The following HIF1A variants were observed in gnomAD, a reference collection of about 807,000 sequenced individuals.
HIF1A encodes the protein hypoxia inducible factor 1 subunit alpha.
HIF1A carries 24 observed loss-of-function variants against 92.7 expected under a neutral mutation model. That is an observed-to-expected ratio of 0.26 (90% CI 0.19 to 0.36). The LOEUF (loss-of-function observed/expected upper bound fraction) is 0.36, where lower values mean the gene tolerates loss of function less well. HIF1A is among the 10% of genes least tolerant of loss of function. HIF1A has a pLI of 1.00. For missense variants in HIF1A, 799 were observed against 998.5 expected, an observed-to-expected ratio of 0.80 and a Z score of 2.69; for synonymous variants, 319 against 338.7, an observed-to-expected ratio of 0.94 and a Z score of 0.64.
intron 1 of HIF1A, among the ~76,000 whole-genome samples, chr14:61,708,219 G>A (rs1216398149): frequency 1.3e-5 from 2 of 152,134 alleles, no homozygotes; most frequent in Non-Finnish European, 2.9e-5. Context: ...TGTCAGATGA[G>A]TAGATTGCAA....
chr14:61,719,913 A>G (rs17256373), intron 1 of HIF1A, among the ~76,000 whole-genome samples: 4,640 of 152,270 alleles, frequency 0.03, 96 homozygotes, highest in Middle Eastern at 0.068. Flanking sequence ...ACAAGTAGAA[A>G]TCAGTTTGTA....
At position 61,738,387 on chromosome 14, in the gene HIF1A, T is replaced by C. The variant is rs200340993; in HGVS notation, c.1536+14T>C. The C allele has an allele frequency of 7.2e-5, 112 of 1,563,978 alleles. No homozygotes were observed. The highest frequency in any genetic ancestry group is 9.2e-5 in the Non-Finnish European group (106 of 1,155,710). ...AGTTCACCTGAGGTAGGTGTCATGATATAATCAGAAAGGGACAACTTTCAG... is the reference window on the plus strand; with the variant it reads ...AGTTCACCTGAGGTAGGTGTCATGACATAATCAGAAAGGGACAACTTTCAG... On this transcript the variant is annotated intron_variant, in intron 10 of 14. Transcript: ENST00000337138.
chr14:61,732,606 C>G (rs1395826447), intron 7 of HIF1A, 82 bp downstream of exon 7: 1 of 825,212 alleles, frequency 1.2e-6, no homozygotes, highest in African/African-American at 1.7e-5. Flanking sequence ...CCATCTAATT[C>G]TCTGGTTAAA....
At chr14:61,698,652 G>A (rs1223050817) in intron 1 of HIF1A, among the ~76,000 whole-genome samples, 3 of 152,160 alleles carry the variant, frequency 2.0e-5, no homozygotes, top group East Asian at 3.8e-4. Flanking sequence ...TCCTGAAAGT[G>A]AAAAGACTAA....
Position 61,695,689 on chromosome 14 carries a change from C to A in HIF1A, c.-116C>A. The A allele has an allele frequency of 8.8e-7, 1 of 1,133,632 alleles. No homozygotes were observed. 70.2% of individuals were successfully genotyped at this position (1,133,632 alleles called of 1,614,324 possible). ...TCACGAGGGGTTTCCCGCCTCGCAC[C>A]CCCACCTCTGGACTTGCCTTTCCTT... On this transcript the variant is annotated 5_prime_UTR_variant, in exon 1 of 15. Transcript: ENST00000337138.
chr14:61,720,951 C>T (rs1416996132), intron 2 of HIF1A, among the ~76,000 whole-genome samples: 1 of 152,076 alleles, frequency 6.6e-6, no homozygotes, highest in African/African-American at 2.4e-5. Flanking sequence ...CTTTAAAAAA[C>T]ATGACTCAGG....
intron 1 of HIF1A, among the ~76,000 whole-genome samples, chr14:61,708,431 T>C (rs886255977): frequency 1.3e-5 from 2 of 152,194 alleles, no homozygotes; most frequent in Admixed American, 6.5e-5. Flanking sequence ...GTTTTTATGG[T>C]TTTAGGTCTA....
intron 1 of HIF1A, among the ~76,000 whole-genome samples, chr14:61,697,056 T>C (rs192744976): frequency 7.9e-5 from 12 of 152,320 alleles, no homozygotes; most frequent in Admixed American, 7.8e-4. Context: ...GTAAGAGTTT[T>C]GGTTAGTAGA....
intron 4 of HIF1A, among the ~76,000 whole-genome samples, chr14:61,724,611 C>G (rs2140140614): frequency 6.6e-6 from 1 of 152,124 alleles, no homozygotes; most frequent in South Asian, 2.1e-4. Flanking sequence ...GTTAACCATG[C>G]CTACATTTAA....
At chr14:61,710,707 C>T (rs2044296052) in intron 1 of HIF1A, among the ~76,000 whole-genome samples, 3 of 151,964 alleles carry the variant, frequency 2.0e-5, no homozygotes, top group Non-Finnish European at 4.4e-5. Context: ...ACAACAGATC[C>T]TATTAATAAT....
chr14:61,712,265 C>T (rs1045018288), intron 1 of HIF1A, among the ~76,000 whole-genome samples: 2 of 151,858 alleles, frequency 1.3e-5, no homozygotes, highest in Non-Finnish European at 2.9e-5. Flanking sequence ...TGCAAAGGCT[C>T]TAGGAGGCAA....
At chr14:61,738,951 A>G (rs1025891703) in intron 10 of HIF1A, among the ~76,000 whole-genome samples, 2 of 151,760 alleles carry the variant, frequency 1.3e-5, no homozygotes, top group Non-Finnish European at 2.9e-5. Context: ...GGTTCTCACT[A>G]TGTTGCTCAG....
intron 14 of HIF1A, 90 bp from the exon 15 acceptor site, chr14:61,746,841 TTTA>T (rs2044798873): frequency 9.5e-7 from 1 of 1,049,180 alleles, no homozygotes; most frequent in Non-Finnish European, 1.4e-6. Context: ...AGAATTTTGC[TTTA>T]TTTTCTATGA....
intron 1 of HIF1A, among the ~76,000 whole-genome samples, chr14:61,702,151 G>A (rs554314058): frequency 1.9e-3 from 291 of 151,790 alleles, no homozygotes; most frequent in Admixed American, 4.2e-3. Flanking sequence ...TTGTCGGCCC[G>A]GCACGGTGGC....
At chr14:61,726,251 T>C (rs2140141945) in intron 4 of HIF1A, among the ~76,000 whole-genome samples, 1 of 152,232 alleles carries the variant, frequency 6.6e-6, no homozygotes, top group East Asian at 1.9e-4. Context: ...AAAAATGTTA[T>C]TTGTTATTAA....
intron 1 of HIF1A, among the ~76,000 whole-genome samples, chr14:61,710,991 G>T (rs1299013161): frequency 6.7e-6 from 1 of 149,580 alleles, no homozygotes; most frequent in African/African-American, 2.5e-5. Flanking sequence ...AGGTTGCAGT[G>T]AGCGGAGATC....
At position 61,695,776 on chromosome 14, in the gene HIF1A, C is replaced by T. The variant is rs2044105670; in HGVS notation, c.-29C>T. ...CGGAGCGAGCCTGGGGGCCGCCCGC[C>T]GTGAAGACATCGCGGGGACCGATTC... On this transcript the variant is annotated 5_prime_UTR_variant, in exon 1 of 15. Coordinates refer to ENST00000337138, the MANE Select transcript of HIF1A (RefSeq NM_001530.4). The T allele has an allele frequency of 1.3e-5, 21 of 1,589,220 alleles. No individual in the cohort carries two copies. The highest frequency in any genetic ancestry group is 1.7e-5 in the Non-Finnish European group (20 of 1,169,698).
At chr14:61,724,781 C>T (rs1383826472) in intron 4 of HIF1A, among the ~76,000 whole-genome samples, 1 of 152,158 alleles carries the variant, frequency 6.6e-6, no homozygotes, top group African/African-American at 2.4e-5. Context: ...TTCCCTCATA[C>T]TCTACTGGCT....
At chr14:61,704,045 TAC>T (rs2044207713) in intron 1 of HIF1A, among the ~76,000 whole-genome samples, 1 of 152,232 alleles carries the variant, frequency 6.6e-6, no homozygotes, top group African/African-American at 2.4e-5. Context: ...TGTGTGATCT[TAC>T]ACAAATTGCT....
Sources: gnomAD v4.1 joint callset for allele counts (sites outside exome capture counted in the v4.1 genomes callset) on GRCh38, gnomAD v4.1.1 for gene constraint, MANE v1.5 for transcripts, NCBI Gene and HGNC (gene_info 2026-07-23, HGNC 2026-07-21) for gene names.